Variants in ARSK observed in about 807,000 individuals in gnomAD.
ARSK encodes arylsulfatase K.
ARSK carries 37 observed loss-of-function variants against 53.2 expected under a neutral mutation model. That is an observed-to-expected ratio of 0.70 (90% CI 0.54 to 0.92). ARSK has a LOEUF of 0.92. Ranked by LOEUF, ARSK falls within the 40% of genes least tolerant of loss-of-function variation. The pLI, the probability that ARSK is intolerant of heterozygous loss-of-function variation, is 0.00. For missense variants in ARSK, 613 were observed against 643.0 expected (o/e 0.95, Z 0.51); for synonymous variants, 208 against 223.2 (o/e 0.93, Z 0.61).
At chr5:95,577,989 A>G (rs1748953973) in intron 3 of ARSK, among the ~76,000 whole-genome samples, 1 of 152,234 alleles carries the variant, frequency 6.6e-6, no homozygotes, top group South Asian at 2.1e-4. Flanking sequence ...GAGCGTTTAA[A>G]TAACGTATAT....
At position 95,565,987 on chromosome 5, in the gene ARSK, T is replaced by C; in HGVS notation, c.127-11T>C. ...ATGTAATCAATGCTAATTAAATTTC[T>C]TTATTTCCAGGATGGAAGGTTAACA... On this transcript the variant is annotated splice_polypyrimidine_tract_variant and intron_variant, in intron 1 of 7. Transcript: ENST00000380009. 1 of 1,597,368 alleles carries C rather than the reference T, an allele frequency of 6.3e-7. No homozygotes were observed. Among genetic ancestry groups the C allele is most frequent in the Non-Finnish European group, 8.5e-7 (1 of 1,174,042 alleles).
chr5:95,555,435 C>T lies in ARSK; in HGVS notation c.126+31C>T. The T allele has an allele frequency of 6.3e-7, 1 of 1,576,840 alleles. No homozygotes were observed. Among genetic ancestry groups the T allele is most frequent in the Admixed American group, 1.8e-5 (1 of 56,260 alleles). On this transcript the variant is annotated intron_variant, in intron 1 of 7. Coordinates refer to ENST00000380009, the MANE Select transcript of ARSK (RefSeq NM_198150.3). The surrounding 1 kb of genome is among the most constrained non-coding windows in gnomAD (Gnocchi z 4.0). ...TACCGCGAGGCAGGGGAGGGGCGCCCCGCTGGGGATCGGCGACCTCACCGC... is the reference window on the plus strand; with the variant it reads ...TACCGCGAGGCAGGGGAGGGGCGCCTCGCTGGGGATCGGCGACCTCACCGC...
chr5:95,566,318 G>A (rs1459080794), intron 2 of ARSK, among the ~76,000 whole-genome samples, 191 bp downstream of exon 2: 1 of 152,146 alleles, frequency 6.6e-6, no homozygotes. Context: ...TCAAGAGTAG[G>A]AATTTTTATC....
intron 3 of ARSK, among the ~76,000 whole-genome samples, chr5:95,574,767 C>A (rs1748894292): frequency 6.6e-6 from 1 of 151,990 alleles, no homozygotes; most frequent in South Asian, 2.1e-4. Flanking sequence ...GGATAGTTTT[C>A]AAATGTTTTC....
At chr5:95,593,498 C>T (rs1301259781) in intron 6 of ARSK, among the ~76,000 whole-genome samples, 1 of 151,846 alleles carries the variant, frequency 6.6e-6, no homozygotes, top group Non-Finnish European at 1.5e-5. Context: ...TTATATTTGC[C>T]CACAATGCAA....
rs762074237 is a variant in ARSK at position 95,555,944 on chromosome 5, G to T, written c.126+540G>T. Among the ~76,000 whole-genome samples the T allele has an allele frequency of 5.9e-5, 9 of 152,206 alleles. No homozygotes were observed. Among genetic ancestry groups the T allele is most frequent in the Non-Finnish European group, 1.2e-4 (8 of 68,042 alleles). On this transcript the variant is annotated intron_variant, in intron 1 of 7. Coordinates refer to ENST00000380009, the MANE Select transcript of ARSK (RefSeq NM_198150.3). The surrounding 1 kb of genome is among the most constrained non-coding windows in gnomAD (Gnocchi z 4.0). ...CGTATTCCAGAGAAATTGTGTGTAT[G>T]TGTGTGTGTTGGTAATGTGGCTGAA...
At chr5:95,596,716 G>C (rs1749314676) in intron 6 of ARSK, among the ~76,000 whole-genome samples, 1 of 151,930 alleles carries the variant, frequency 6.6e-6, no homozygotes, top group Non-Finnish European at 1.5e-5. Context: ...GAAAGAAACT[G>C]AATAAGAAAA....
intron 3 of ARSK, among the ~76,000 whole-genome samples, chr5:95,576,785 T>G (rs1748931438): frequency 6.6e-6 from 1 of 152,010 alleles, no homozygotes; most frequent in Non-Finnish European, 1.5e-5. Context: ...AATCCCAACT[T>G]TGACCTGCCA....
chr5:95,566,515 T>C (rs1411579938), intron 2 of ARSK, among the ~76,000 whole-genome samples: 2 of 152,206 alleles, frequency 1.3e-5, no homozygotes, highest in Non-Finnish European at 2.9e-5. Flanking sequence ...GAGTATACCA[T>C]AAAGTAGTTA....
chr5:95,592,149 A>T (rs1432000680), intron 6 of ARSK, among the ~76,000 whole-genome samples: 1 of 152,236 alleles, frequency 6.6e-6, no homozygotes, highest in Non-Finnish European at 1.5e-5. Flanking sequence ...AAGATACTAG[A>T]ATAACGACAT....
chr5:95,603,579 T>A lies in ARSK; in HGVS notation c.*53T>A, dbSNP rs1749449489. The A allele has an allele frequency of 1.4e-6, 2 of 1,392,316 alleles. No individual in the cohort carries two copies. Among genetic ancestry groups the A allele is most frequent in the Non-Finnish European group, 1.9e-6 (2 of 1,052,038 alleles). The allele number at this position is 1,392,316 out of a possible 1,614,324, so 86.2% of individuals were successfully genotyped here. On this transcript the variant is annotated 3_prime_UTR_variant, in exon 8 of 8. Coordinates refer to ENST00000380009, the MANE Select transcript of ARSK (RefSeq NM_198150.3). ...AGATACATATAAATATATTACAAGA[T>A]CATAATTATGTATTTTAAATGAAAC...
intron 2 of ARSK, among the ~76,000 whole-genome samples, chr5:95,566,739 T>C (rs1180520270): frequency 6.6e-6 from 1 of 152,198 alleles, no homozygotes; most frequent in African/African-American, 2.4e-5. Context: ...TTTTTATAAA[T>C]TCTATCTATT....
At chr5:95,600,268 G>T (rs1749379903) in intron 6 of ARSK, among the ~76,000 whole-genome samples, 1 of 152,000 alleles carries the variant, frequency 6.6e-6, no homozygotes, top group African/African-American at 2.4e-5. Context: ...TAACTTTGGG[G>T]CACATAGTAT....
chr5:95,603,182 A>T (rs1749433399), intron 7 of ARSK, 55 bp from the exon 8 acceptor site: 3 of 1,400,548 alleles, frequency 2.1e-6, no homozygotes, highest in Admixed American at 2.6e-5. Context: ...ATGACATTCT[A>T]AAAAAATTTT....
chr5:95,602,292 A>T (rs1390502582), intron 7 of ARSK, among the ~76,000 whole-genome samples: 2 of 152,238 alleles, frequency 1.3e-5, no homozygotes, highest in Non-Finnish European at 2.9e-5. Context: ...ACTAAATAAA[A>T]GCCAATTTGT....
chr5:95,580,712 G>T (rs1304460712), intron 3 of ARSK, among the ~76,000 whole-genome samples: 1 of 152,142 alleles, frequency 6.6e-6, no homozygotes, highest in Non-Finnish European at 1.5e-5. Flanking sequence ...GCTGGCCCAG[G>T]AAGTAGTGAA....
intron 1 of ARSK, among the ~76,000 whole-genome samples, chr5:95,563,633 C>T (rs1455686354): frequency 5.9e-5 from 9 of 152,194 alleles, no homozygotes; most frequent in Non-Finnish European, 1.3e-4. Context: ...TCACTAACAT[C>T]GATTTTAATC....
intron 1 of ARSK, among the ~76,000 whole-genome samples, chr5:95,562,428 C>T (rs539716433): frequency 6.6e-6 from 1 of 152,232 alleles, no homozygotes; most frequent in African/African-American, 2.4e-5. Context: ...GTGAGAATCT[C>T]ATTCAGTCTG....
At chr5:95,599,556 TC>T (rs1245447488) in intron 6 of ARSK, among the ~76,000 whole-genome samples, 1 of 152,180 alleles carries the variant, frequency 6.6e-6, no homozygotes, top group Admixed American at 6.5e-5. Flanking sequence ...AAGGCTTCTC[TC>T]CCGGGCACAT....
Sources: gnomAD v4.1 joint callset for allele counts (sites outside exome capture counted in the v4.1 genomes callset) on GRCh38, gnomAD v4.1.1 for gene constraint, Gnocchi (gnomAD v3.1) non-coding constraint, MANE v1.5 for transcripts, NCBI Gene and HGNC (gene_info 2026-07-23, HGNC 2026-07-21) for gene names.